Variants in TRPC4 observed in about 807,000 individuals in gnomAD.
The protein encoded by TRPC4 is short transient receptor potential channel 4.
A neutral mutation model predicts 99.4 loss-of-function variants in TRPC4; 49 were observed. That is an observed-to-expected ratio of 0.49 (90% CI 0.39 to 0.63). The LOEUF (loss-of-function observed/expected upper bound fraction) is 0.63. Ranked by LOEUF, TRPC4 falls within the 20% of genes least tolerant of loss-of-function variation. The pLI is 0.00. For missense variants in TRPC4, 898 were observed against 1,152.9 expected (o/e 0.78, Z 3.20); for synonymous variants, 454 against 425.9 (o/e 1.07, Z -0.81).
At chr13:37,809,050 T>C (rs1327971972) in intron 1 of TRPC4, among the ~76,000 whole-genome samples, 1 of 152,116 alleles carries the variant, frequency 6.6e-6, no homozygotes, top group Non-Finnish European at 1.5e-5. Flanking sequence ...AACAGGTTTA[T>C]CCAAATGCAA....
At chr13:37,711,348 C>T (rs772242615) in intron 3 of TRPC4, among the ~76,000 whole-genome samples, 2 of 151,812 alleles carry the variant, frequency 1.3e-5, no homozygotes, top group South Asian at 4.2e-4. Context: ...ATGGTATAAG[C>T]AATGATAGTA....
chr13:37,811,066 T>C (rs1372100176), intron 1 of TRPC4, among the ~76,000 whole-genome samples: 1 of 152,146 alleles, frequency 6.6e-6, no homozygotes, highest in East Asian at 1.9e-4. Context: ...AAAATTCCTA[T>C]ATCTATTCTA....
chr13:37,740,288 A>C (rs1439544836), intron 3 of TRPC4, among the ~76,000 whole-genome samples: 1 of 152,192 alleles, frequency 6.6e-6, no homozygotes, highest in Non-Finnish European at 1.5e-5. Flanking sequence ...TATAGATCTC[A>C]GATATGCAGA....
Position 37,821,190 on chromosome 13 carries a change from C to CCACACACACACA in TRPC4, c.-27-37842_-27-37831dup, listed in dbSNP as rs3086254. On this transcript the variant is annotated intron_variant, in intron 1 of 10. Coordinates refer to ENST00000379705, the MANE Select transcript of TRPC4 (RefSeq NM_016179.4). ...ATGAATGAAATCACATTCACAATAGCCACACACACACACACACACACACAC... is the reference window on the plus strand; with the variant it reads ...ATGAATGAAATCACATTCACAATAGCCACACACACACACACACACACACACACACACACACAC... Among the ~76,000 whole-genome samples, 973 of 135,992 alleles carry CCACACACACACA rather than the reference C, an allele frequency of 7.2e-3. 3 individuals are homozygous for CCACACACACACA. The highest frequency in any genetic ancestry group is 0.011 in the South Asian group (45 of 4,020). 89.2% of individuals were successfully genotyped at this position (135,992 alleles called of 152,430 possible). A position where few individuals can be genotyped will look rare whatever the true frequency, so the allele number is the denominator to read the frequency against.
chr13:37,756,691 C>G (rs984008684), intron 2 of TRPC4, among the ~76,000 whole-genome samples: 6 of 151,670 alleles, frequency 4.0e-5, no homozygotes, highest in African/African-American at 1.2e-4. Flanking sequence ...CACCACCACA[C>G]CTGGCTTAAT....
chr13:37,819,448 C>G (rs1161313401), intron 1 of TRPC4, among the ~76,000 whole-genome samples: 2 of 151,808 alleles, frequency 1.3e-5, no homozygotes, highest in Admixed American at 6.6e-5. Flanking sequence ...CAATGATAGA[C>G]CAAATAAAGA....
At chr13:37,842,572 A>G (rs1235206887) in intron 1 of TRPC4, among the ~76,000 whole-genome samples, 1 of 152,122 alleles carries the variant, frequency 6.6e-6, no homozygotes, top group East Asian at 1.9e-4. Context: ...TTCAAGATTA[A>G]GGTAGCGGCA....
chr13:37,739,504 ATTTTT>A (rs34228089), intron 3 of TRPC4, among the ~76,000 whole-genome samples: 3 of 133,780 alleles, frequency 2.2e-5, no homozygotes, highest in Non-Finnish European at 3.2e-5. Context: ...AAAGCATGAG[ATTTTT>A]TTTTTTTTTT....
At chr13:37,654,972 CTG>C (rs1367345438) in intron 7 of TRPC4, 114 bp downstream of exon 7, 3 of 785,024 alleles carry the variant, frequency 3.8e-6, no homozygotes, top group East Asian at 6.6e-5. Flanking sequence ...TAATTCTTAT[CTG>C]TCTAATCAAT....
intron 3 of TRPC4, among the ~76,000 whole-genome samples, chr13:37,718,050 A>T (rs1397363143): frequency 6.6e-6 from 1 of 152,078 alleles, no homozygotes; most frequent in African/African-American, 2.4e-5. Context: ...AACTCTGAAA[A>T]TATGAATAAT....
At chr13:37,726,328 T>C (rs759580849) in intron 3 of TRPC4, among the ~76,000 whole-genome samples, 16 of 152,142 alleles carry the variant, frequency 1.1e-4, no homozygotes, top group Non-Finnish European at 1.8e-4. Context: ...ATAAAGATAA[T>C]TTTGTGATAT....
intron 1 of TRPC4, among the ~76,000 whole-genome samples, chr13:37,859,343 C>T (rs1446421963): frequency 6.6e-6 from 1 of 151,098 alleles, no homozygotes; most frequent in Non-Finnish European, 1.5e-5. Flanking sequence ...GAGATAGTGA[C>T]CAAAATTTTT....
intron 3 of TRPC4, among the ~76,000 whole-genome samples, chr13:37,699,075 C>T (rs2138921171): frequency 6.6e-6 from 1 of 152,216 alleles, no homozygotes; most frequent in South Asian, 2.1e-4. Flanking sequence ...CTTGGATCTG[C>T]TGCTTCCTGA....
At chr13:37,712,839 C>T (rs1954529389) in intron 3 of TRPC4, among the ~76,000 whole-genome samples, 1 of 152,112 alleles carries the variant, frequency 6.6e-6, no homozygotes, top group Non-Finnish European at 1.5e-5. Context: ...GAGATCTTAA[C>T]ACTGCAAATG....
intron 1 of TRPC4, among the ~76,000 whole-genome samples, chr13:37,849,841 T>G (rs1024787150): frequency 2.0e-5 from 3 of 152,202 alleles, no homozygotes; most frequent in African/African-American, 7.2e-5. Context: ...CATTCACTCC[T>G]GCATCATCTG....
intron 3 of TRPC4, among the ~76,000 whole-genome samples, chr13:37,726,947 T>G (rs931578993): frequency 6.6e-6 from 1 of 152,126 alleles, no homozygotes; most frequent in African/African-American, 2.4e-5. Context: ...ATATCAATTT[T>G]GACAGAATTC....
intron 5 of TRPC4, among the ~76,000 whole-genome samples, chr13:37,666,254 G>T (rs1047221408): frequency 1.1e-4 from 16 of 152,164 alleles, no homozygotes; most frequent in Admixed American, 5.2e-4. Flanking sequence ...CACGGTATGA[G>T]TTCTGAGACA....
chr13:37,719,126 T>C (rs1368155516), intron 3 of TRPC4, among the ~76,000 whole-genome samples: 1 of 152,174 alleles, frequency 6.6e-6, no homozygotes, highest in African/African-American at 2.4e-5. Flanking sequence ...TGGGGCAGTA[T>C]CTTTAAAATG....
intron 1 of TRPC4, among the ~76,000 whole-genome samples, chr13:37,802,853 G>T (rs2780350): frequency 0.01 from 1,570 of 152,072 alleles, 25 homozygotes; most frequent in African/African-American, 0.036. Flanking sequence ...ATACATCAGG[G>T]GATCTTGCCT....
Sources: gnomAD v4.1 joint callset for allele counts (sites outside exome capture counted in the v4.1 genomes callset) on GRCh38, gnomAD v4.1.1 for gene constraint, MANE v1.5 for transcripts, NCBI Gene and HGNC (gene_info 2026-07-23, HGNC 2026-07-21) for gene names.